The following OR7C1 variants were observed in gnomAD, a reference collection of about 807,000 sequenced individuals.
The protein encoded by OR7C1 is olfactory receptor family 7 subfamily C member 1, also known as olfactory receptor 7C1.
For synonymous variants in OR7C1, 152 were observed against 160.7 expected (o/e 0.95, Z 0.41); for missense variants, 324 against 383.3 (o/e 0.85, Z 1.29).
chr19:14,821,376 G>A (rs2044740373), intron 1 of OR7C1: 1 of 152,226 alleles, frequency 6.6e-6, no homozygotes, highest in Non-Finnish European at 1.5e-5. Flanking sequence ...CTCAGGGTAT[G>A]GGCCCTGGAG....
At chr19:14,818,765 C>T (rs1400901688) in intron 1 of OR7C1, among the ~76,000 whole-genome samples, 3 of 152,010 alleles carry the variant, frequency 2.0e-5, no homozygotes, top group Non-Finnish European at 4.4e-5. Flanking sequence ...CAGTTTTGTG[C>T]GGTCAGGTCT....
At chr19:14,815,392 C>T (rs972937986) in intron 1 of OR7C1, among the ~76,000 whole-genome samples, 4 of 152,230 alleles carry the variant, frequency 2.6e-5, no homozygotes, top group Non-Finnish European at 5.9e-5. Context: ...GGGCCAGCTT[C>T]ATGAATATTC....
chr19:14,820,032 G>A (rs1212153394), intron 1 of OR7C1, among the ~76,000 whole-genome samples: 2 of 152,102 alleles, frequency 1.3e-5, no homozygotes, highest in African/African-American at 4.8e-5. Flanking sequence ...TCAGCCTCCC[G>A]AGTAGCTGGG....
intron 1 of OR7C1, chr19:14,827,791 T>A: frequency 6.2e-7 from 1 of 1,614,188 alleles, no homozygotes; most frequent in Non-Finnish European, 8.5e-7. Flanking sequence ...AGAGCACTCA[T>A]GGTCCAGGAT....
exon 4 of OR7C1, chr19:14,800,267 T>C: frequency 9.7e-7 from 1 of 1,035,444 alleles, no homozygotes. Context: ...TTTTTCTTGC[T>C]GTCTTTTTCT....
intron 1 of OR7C1, chr19:14,826,356 G>A (rs1027389023): frequency 2.0e-5 from 3 of 152,146 alleles, no homozygotes; most frequent in Non-Finnish European, 4.4e-5. Context: ...TAATGTTTAC[G>A]ACAAAATTTT....
At chr19:14,811,584 G>C (rs1173485611) in intron 1 of OR7C1, among the ~76,000 whole-genome samples, 1 of 147,224 alleles carries the variant, frequency 6.8e-6, no homozygotes, top group Non-Finnish European at 1.5e-5. Flanking sequence ...TTATCCTTTA[G>C]GGGGGCCAAC....
At chr19:14,810,278 C>T (rs1460347393) in intron 1 of OR7C1, among the ~76,000 whole-genome samples, 1 of 151,886 alleles carries the variant, frequency 6.6e-6, no homozygotes, top group Non-Finnish European at 1.5e-5. Context: ...TCAGGAACCA[C>T]CTCATGAATC....
chr19:14,813,507 A>T lies in OR7C1; in HGVS notation c.-622-3514T>A, dbSNP rs540520879. On this transcript the variant is annotated intron_variant, in intron 1 of 4. Coordinates refer to ENST00000641666, the Ensembl canonical transcript of OR7C1. Reference sequence around the variant, plus strand: ...GAGGTGGAGCTTGCAGTGAGCCAAGATTGTGCCACTGCACTCCAGCCCCAG... The same window carrying T: ...GAGGTGGAGCTTGCAGTGAGCCAAGTTTGTGCCACTGCACTCCAGCCCCAG... Among the ~76,000 whole-genome samples the T allele has an allele frequency of 5.9e-5, 9 of 152,174 alleles. No homozygotes were observed. In the East Asian group the frequency reaches 1.7e-3, roughly 29 times the overall value.
intron 1 of OR7C1, among the ~76,000 whole-genome samples, chr19:14,810,852 C>T (rs12610172): frequency 0.078 from 11,897 of 151,856 alleles, 631 homozygotes; most frequent in South Asian, 0.11. Context: ...TTCAGTTATT[C>T]GGTTTCTTCA....
intron 1 of OR7C1, among the ~76,000 whole-genome samples, chr19:14,818,136 C>T (rs1043711873): frequency 9.9e-5 from 15 of 151,596 alleles, no homozygotes. Context: ...GTCCCCTAGA[C>T]TGGAGCGCAG....
At chr19:14,818,149 G>A (rs557791553) in intron 1 of OR7C1, among the ~76,000 whole-genome samples, 1 of 151,614 alleles carries the variant, frequency 6.6e-6, no homozygotes, top group East Asian at 1.9e-4. Context: ...GAGCGCAGTA[G>A]TGGCACGATC....
At chr19:14,818,669 G>A (rs551027410) in intron 1 of OR7C1, among the ~76,000 whole-genome samples, 91 of 152,240 alleles carry the variant, frequency 6.0e-4, no homozygotes, top group Middle Eastern at 3.4e-3. Flanking sequence ...GGGAGTTGGT[G>A]AACGTTTTTT....
At chr19:14,827,890 T>A (rs774692892) in intron 1 of OR7C1, 8 of 1,614,108 alleles carry the variant, frequency 5.0e-6, no homozygotes, top group Non-Finnish European at 6.8e-6. Flanking sequence ...TCATAGGCCA[T>A]CACGGACAGG....
At chr19:14,827,073 TAGGAAAACA>T (rs2145075531) in intron 1 of OR7C1, 1 of 423,970 alleles carries the variant, frequency 2.4e-6, no homozygotes, top group East Asian at 3.7e-5. Flanking sequence ...CTTGAGAAAG[TAGGAAAACA>T]ACAAAGAGAA....
At chr19:14,803,392 ATCT>A (rs1221627078) in intron 2 of OR7C1, among the ~76,000 whole-genome samples, 3 of 151,476 alleles carry the variant, frequency 2.0e-5, no homozygotes, top group Admixed American at 6.6e-5. Context: ...CTCCATCCTA[ATCT>A]TCTATTATGC....
intron 1 of OR7C1, among the ~76,000 whole-genome samples, chr19:14,832,333 G>C (rs1488149212): frequency 1.3e-5 from 2 of 152,000 alleles, no homozygotes; most frequent in Non-Finnish European, 2.9e-5. Context: ...GTCAAAATGA[G>C]CAGGGATGTT....
intron 1 of OR7C1, among the ~76,000 whole-genome samples, chr19:14,821,192 C>T (rs370526053): frequency 6.6e-6 from 1 of 152,072 alleles, no homozygotes; most frequent in South Asian, 2.1e-4. Context: ...GAGCTGAGAT[C>T]GCGCCATTGC....
chr19:14,818,902 AT>A (rs1032486462), intron 1 of OR7C1, among the ~76,000 whole-genome samples: 19 of 151,760 alleles, frequency 1.3e-4, no homozygotes, highest in South Asian at 6.2e-4. Flanking sequence ...TATTTCACAC[AT>A]TTTTTTCTTT....
Sources: allele counts gnomAD v4.1 joint callset (sites outside exome capture counted in the v4.1 genomes callset), GRCh38; gene constraint gnomAD v4.1.1; transcripts MANE v1.5; gene names NCBI Gene and HGNC (gene_info 2026-07-23, HGNC 2026-07-21).